Variants in PIK3C2G observed in about 807,000 individuals in gnomAD.
PIK3C2G encodes the protein phosphatidylinositol 3-kinase C2 domain-containing subunit gamma.
A neutral mutation model predicts 181.1 loss-of-function variants in PIK3C2G; 168 were observed. The ratio of observed to expected loss-of-function variants is 0.93; its 90% CI spans 0.82 to 1.05. PIK3C2G has a LOEUF of 1.05. PIK3C2G is among the 50% of genes least tolerant of loss of function. PIK3C2G has a pLI of 0.00. For missense variants in PIK3C2G, 1,869 were observed against 1,732.8 expected, an observed-to-expected ratio of 1.08 and a Z score of -1.40; for synonymous variants, 573 against 592.2, an observed-to-expected ratio of 0.97 and a Z score of 0.47.
intron 22 of PIK3C2G, among the ~76,000 whole-genome samples, chr12:18,500,928 C>A (rs1941422898): frequency 6.6e-6 from 1 of 152,100 alleles, no homozygotes; most frequent in South Asian, 2.1e-4. Context: ...GACCACGAAC[C>A]CACCGGGAGG....
the PIK3C2G span, among the ~76,000 whole-genome samples, chr12:18,682,995 C>T: frequency 6.6e-6 from 1 of 151,966 alleles, no homozygotes; most frequent in Non-Finnish European, 1.5e-5. Flanking sequence ...GAAAACAACT[C>T]AGCAGCAGAA....
intron 24 of PIK3C2G, among the ~76,000 whole-genome samples, chr12:18,513,154 T>G (rs910333016): frequency 6.6e-6 from 1 of 151,854 alleles, no homozygotes; most frequent in Non-Finnish European, 1.5e-5. Context: ...CTCTGGACCA[T>G]GGTGAATGAT....
chr12:18,434,567 T>C (rs750576995), intron 18 of PIK3C2G, among the ~76,000 whole-genome samples: 3 of 152,158 alleles, frequency 2.0e-5, no homozygotes, highest in Non-Finnish European at 4.4e-5. Context: ...ATAGCAGACA[T>C]CACTTTTGTC....
At chr12:18,337,181 A>G (rs1352185062) in intron 8 of PIK3C2G, among the ~76,000 whole-genome samples, 4 of 152,190 alleles carry the variant, frequency 2.6e-5, no homozygotes, top group Non-Finnish European at 4.4e-5. Flanking sequence ...AGAGTGAAAC[A>G]TGCTTCACAC....
At chr12:18,379,556 G>T (rs1942693061) in intron 13 of PIK3C2G, among the ~76,000 whole-genome samples, 2 of 152,174 alleles carry the variant, frequency 1.3e-5, no homozygotes, top group South Asian at 2.1e-4. Context: ...CTCACACCCT[G>T]GCTCTCTTCC....
At chr12:18,534,466 G>C (rs1033423227) in intron 24 of PIK3C2G, among the ~76,000 whole-genome samples, 1 of 151,874 alleles carries the variant, frequency 6.6e-6, no homozygotes, top group African/African-American at 2.4e-5. Context: ...TATTAATTTT[G>C]ACAACAAAAA....
upstream of PIK3C2G, chr12:18,261,474 G>A (rs1948231135): frequency 6.6e-6 from 1 of 151,916 alleles, no homozygotes; most frequent in African/African-American, 2.4e-5. Context: ...TCCAGTGGAA[G>A]CATCACGTTC....
the PIK3C2G span, chr12:18,683,594 G>A: frequency 2.1e-6 from 3 of 1,442,394 alleles, no homozygotes; most frequent in South Asian, 2.4e-5. Flanking sequence ...CCACCCTTCT[G>A]CTTCAGGAAG....
chr12:18,579,035 C>T (rs540561564), intron 29 of PIK3C2G, among the ~76,000 whole-genome samples: 14 of 151,988 alleles, frequency 9.2e-5, no homozygotes, highest in African/African-American at 3.1e-4. Context: ...ATTTTAGTTA[C>T]GTGATATATT....
chr12:18,722,207 T>C, the PIK3C2G span, among the ~76,000 whole-genome samples: 2 of 12,084 alleles, frequency 1.7e-4, no homozygotes, highest in Non-Finnish European at 3.3e-4. Context: ...TCATTTACTC[T>C]CCATCACCTT....
chr12:18,546,228 C>A, intron 25 of PIK3C2G, 95 bp from the exon 26 acceptor site: 1 of 740,096 alleles, frequency 1.4e-6, no homozygotes, highest in Non-Finnish European at 2.3e-6. Context: ...AAACTTGGGT[C>A]TAGATGTCTC....
At position 18,391,193 on chromosome 12, in the gene PIK3C2G, G is replaced by T; in HGVS notation, c.2067G>T (p.Glu689Asp). The stretch of plus-strand genomic sequence containing the variant: ...AAGAGAATAGAAGTAATCTTGAAGA[G>T]CCACTAAAGGAGTGTATAAAACATA... ...DSEENRSNLE[E>D]PLKECIKHIA... Residue 689 changes from glutamate (E) to aspartate (D), a missense_variant, in exon 15 of 33, where the codon GAG becomes GAT. Transcript: ENST00000538779. 6.2e-7 allele frequency: 1 copy of T among 1,609,092 alleles called. No individual in the cohort carries two copies. Among genetic ancestry groups the T allele is most frequent in the African/African-American group, 1.3e-5 (1 of 74,842 alleles).
intron 24 of PIK3C2G, among the ~76,000 whole-genome samples, chr12:18,534,621 A>T (rs1943741665): frequency 6.6e-6 from 1 of 151,860 alleles, no homozygotes; most frequent in South Asian, 2.1e-4. Flanking sequence ...ATTGTTTCTG[A>T]TGTTAAGACT....
chr12:18,407,817 T>G (rs1470515096), intron 16 of PIK3C2G, among the ~76,000 whole-genome samples: 2 of 152,070 alleles, frequency 1.3e-5, no homozygotes, highest in African/African-American at 4.8e-5. Context: ...AGAACTTAAA[T>G]ATGACTAAGT....
chr12:18,352,334 T>C (rs1417241891), intron 11 of PIK3C2G, among the ~76,000 whole-genome samples: 1 of 152,210 alleles, frequency 6.6e-6, no homozygotes, highest in African/African-American at 2.4e-5. Flanking sequence ...AACAGGACAG[T>C]TCCCGTGACC....
intron 18 of PIK3C2G, among the ~76,000 whole-genome samples, chr12:18,436,170 C>T (rs1482500874): frequency 6.6e-6 from 1 of 152,064 alleles, no homozygotes. Context: ...GTCTACTTCA[C>T]ATCATTGTTA....
chr12:18,539,974 C>T (rs1057343380), intron 25 of PIK3C2G, among the ~76,000 whole-genome samples: 8 of 151,786 alleles, frequency 5.3e-5, no homozygotes, highest in African/African-American at 1.9e-4. Flanking sequence ...GAGATGACTA[C>T]GGTTTATAAT....
At chr12:18,342,405 G>A (rs1372053781) in intron 9 of PIK3C2G, among the ~76,000 whole-genome samples, 3 of 151,754 alleles carry the variant, frequency 2.0e-5, no homozygotes, top group Non-Finnish European at 4.4e-5. Context: ...TTTTTGTTAC[G>A]GAAAAACAAT....
intron 16 of PIK3C2G, among the ~76,000 whole-genome samples, chr12:18,418,201 C>T (rs1032609244): frequency 6.6e-6 from 1 of 152,124 alleles, no homozygotes; most frequent in Non-Finnish European, 1.5e-5. Context: ...ACTGTCATAT[C>T]TTAAGTGGGA....
Sources: allele counts gnomAD v4.1 joint callset (sites outside exome capture counted in the v4.1 genomes callset), GRCh38; gene constraint gnomAD v4.1.1; transcripts MANE v1.5; gene names NCBI Gene and HGNC (gene_info 2026-07-23, HGNC 2026-07-21).